DECR1: variants seen among roughly 807,000 people sequenced by gnomAD.
DECR1 encodes 2,4-dienoyl-CoA reductase [(3E)-enoyl-CoA-producing], mitochondrial.
In DECR1, 44 loss-of-function variants were observed where a neutral mutation model predicts 38.8. The ratio of observed to expected loss-of-function variants is 1.13; its 90% confidence interval spans 0.89 to 1.46. DECR1 has a LOEUF of 1.46. Among genes scored for constraint, DECR1 ranks in the 40% most tolerant of loss-of-function variants. DECR1 has a pLI of 0.00. For missense variants in DECR1, 428 were observed against 405.5 expected (o/e 1.06, Z -0.48); for synonymous variants, 148 against 135.2 (o/e 1.09, Z -0.66).
intron 7 of DECR1, among the ~76,000 whole-genome samples, chr8:90,043,399 A>G (rs549548399): frequency 6.6e-6 from 1 of 152,276 alleles, no homozygotes; most frequent in Non-Finnish European, 1.5e-5. Context: ...GCAACTTGTA[A>G]TTATCTCTAA....
At chr8:90,033,049 G>A (rs1326022997) in intron 5 of DECR1, among the ~76,000 whole-genome samples, 1 of 152,128 alleles carries the variant, frequency 6.6e-6, no homozygotes, top group East Asian at 1.9e-4. Flanking sequence ...GACTTCCCCA[G>A]TCTCATAGCT....
At chr8:90,009,882 A>C (rs1812840840) in intron 1 of DECR1, among the ~76,000 whole-genome samples, 1 of 152,206 alleles carries the variant, frequency 6.6e-6, no homozygotes, top group African/African-American at 2.4e-5. Context: ...TCTGCATCTA[A>C]CTGCAGACAG....
intron 1 of DECR1, chr8:90,003,149 C>G (rs1812658436): frequency 6.6e-6 from 1 of 152,138 alleles, no homozygotes; most frequent in African/African-American, 2.4e-5. Context: ...GCACATGTAG[C>G]CTCAAGTTTG....
chr8:90,017,056 G>T, intron 1 of DECR1, 68 bp from the exon 2 acceptor site: 1 of 1,119,904 alleles, frequency 8.9e-7, no homozygotes, highest in Non-Finnish European at 1.3e-6. Flanking sequence ...TCAAGAGCAT[G>T]TTTTAAAAAA....
chr8:90,038,844 T>G (rs1813682171), intron 6 of DECR1, among the ~76,000 whole-genome samples: 1 of 152,184 alleles, frequency 6.6e-6, no homozygotes, highest in Non-Finnish European at 1.5e-5. Flanking sequence ...ATTCACAAGC[T>G]GAATCTTAGT....
At chr8:90,038,090 A>ATGCT (rs1276029603) in intron 6 of DECR1, among the ~76,000 whole-genome samples, 1 of 152,198 alleles carries the variant, frequency 6.6e-6, no homozygotes, top group African/African-American at 2.4e-5. Context: ...TACCTTATAT[A>ATGCT]TGCTTCGTCC....
At chr8:90,002,363 G>A (rs1364254155) in intron 1 of DECR1, among the ~76,000 whole-genome samples, 1 of 152,118 alleles carries the variant, frequency 6.6e-6, no homozygotes, top group African/African-American at 2.4e-5. Context: ...ATGTATAGCT[G>A]GGAGAGGTCC....
At chr8:90,026,725 A>T (rs374842354) in intron 5 of DECR1, among the ~76,000 whole-genome samples, 2 of 151,956 alleles carry the variant, frequency 1.3e-5, no homozygotes, top group East Asian at 1.9e-4. Flanking sequence ...TATCTCCTTC[A>T]GTTCTGCTCT....
In DECR1 at chr8:90,052,147, T is replaced by C. The variant is rs1459330042; in HGVS notation, c.*250T>C. ...TAGGTAAAGGCTCCTCTTTACCTAT[T>C]GATAGAGGTAAAAAGTACTTAGAAG... On this transcript the variant is annotated 3_prime_UTR_variant, in exon 10 of 10. Coordinates refer to ENST00000220764, the MANE Select transcript of DECR1 (RefSeq NM_001359.2). The C allele has an allele frequency of 2.3e-6, 1 of 434,098 alleles. No homozygotes were observed. The highest frequency in any genetic ancestry group is 2.1e-5 in the African/African-American group (1 of 48,630). The allele number at this position is 434,098 out of a possible 1,614,324, so 26.9% of individuals were successfully genotyped here. A position where few individuals can be genotyped will look rare whatever the true frequency, so the allele number is the denominator to read the frequency against.
intron 6 of DECR1, among the ~76,000 whole-genome samples, chr8:90,038,678 A>T (rs564115232): frequency 6.6e-6 from 1 of 152,174 alleles, no homozygotes; most frequent in Admixed American, 6.5e-5. Flanking sequence ...ACATTAAACA[A>T]TCTGACTTCC....
chr8:90,034,291 A>G (rs901975200), intron 5 of DECR1, among the ~76,000 whole-genome samples: 1 of 152,190 alleles, frequency 6.6e-6, no homozygotes, highest in African/African-American at 2.4e-5. Flanking sequence ...ATTTGCTGTT[A>G]TGTAAAAGAT....
intron 1 of DECR1, among the ~76,000 whole-genome samples, chr8:90,011,001 G>A (rs951103838): frequency 2.0e-5 from 3 of 152,184 alleles, no homozygotes; most frequent in East Asian, 1.9e-4. Flanking sequence ...AGGATATGCA[G>A]TGACAGTGTA....
chr8:90,006,473 G>A (rs891059573), intron 1 of DECR1, among the ~76,000 whole-genome samples: 1 of 152,234 alleles, frequency 6.6e-6, no homozygotes, highest in African/African-American at 2.4e-5. Context: ...TGAGCAGCCT[G>A]TTGGCTGCGT....
chr8:90,016,025 A>C (rs1812998098), intron 1 of DECR1, among the ~76,000 whole-genome samples: 1 of 152,190 alleles, frequency 6.6e-6, no homozygotes. Flanking sequence ...AGATACCTAA[A>C]GTTTGTTTTA....
intron 5 of DECR1, among the ~76,000 whole-genome samples, chr8:90,028,338 A>C (rs1813407541): frequency 6.6e-6 from 1 of 152,118 alleles, no homozygotes; most frequent in African/African-American, 2.4e-5. Flanking sequence ...TTATTGTCTT[A>C]AAATTACATT....
Position 90,018,944 on chromosome 8 carries a change from T to G in DECR1, c.308T>G (p.Ile103Ser), listed in dbSNP as rs551338571. The change falls in exon 3 of 10, where the codon ATT (isoleucine) becomes AGT (serine). Residue 103 changes from isoleucine (I) to serine (S), a missense_variant. Ile to Ser is a moderately radical substitution (Grantham distance 142). Coordinates refer to ENST00000220764, the MANE Select transcript of DECR1 (RefSeq NM_001359.2). ...MDVLKATAEQ[I>S]SSQTGNKVHA... is the part of the protein sequence containing the mutation. ...GTTTTGAAAGCTACCGCAGAACAAA[T>G]TTCTTCTCAAACTGGAAATAAGGTA... 1 of 1,595,280 alleles carries G rather than the reference T, an allele frequency of 6.3e-7. No homozygotes were observed. Among genetic ancestry groups the G allele is most frequent in the Non-Finnish European group, 8.6e-7 (1 of 1,166,540 alleles).
chr8:90,020,012 A>G (rs1011888165), intron 4 of DECR1, among the ~76,000 whole-genome samples: 1 of 152,200 alleles, frequency 6.6e-6, no homozygotes, highest in African/African-American at 2.4e-5. Context: ...TGTCTTCCTC[A>G]GTGGAGGAGA....
intron 6 of DECR1, among the ~76,000 whole-genome samples, chr8:90,039,812 G>A (rs1271936898): frequency 6.6e-6 from 1 of 152,176 alleles, no homozygotes; most frequent in Non-Finnish European, 1.5e-5. Context: ...TCTTGAGAGG[G>A]AGGGACTCTC....
intron 5 of DECR1, among the ~76,000 whole-genome samples, chr8:90,028,017 T>TA (rs1375578487): frequency 1.6e-4 from 25 of 152,286 alleles, no homozygotes; most frequent in African/African-American, 5.5e-4. Context: ...TTCCAAGTGT[T>TA]ACTTTTCATT....
Sources: gnomAD v4.1 joint callset for allele counts (sites outside exome capture counted in the v4.1 genomes callset) on GRCh38, gnomAD v4.1.1 for gene constraint, MANE v1.5 for transcripts, NCBI Gene and HGNC (gene_info 2026-07-23, HGNC 2026-07-21) for gene names.